Variants in PECR observed in about 807,000 individuals in gnomAD.
The protein encoded by PECR is 2,4-dienoyl-CoA reductase-related protein.
Under a neutral mutation model 35.3 loss-of-function variants are expected in PECR, and 30 were observed. That is an observed-to-expected ratio of 0.85 (90% CI 0.64 to 1.15). The LOEUF (loss-of-function observed/expected upper bound fraction) is 1.15, where lower values mean the gene tolerates loss of function less well. Ranked by LOEUF, PECR falls within the 50% of genes most tolerant of loss-of-function variation. The probability of loss-of-function intolerance (pLI) is 0.00; values close to 1 mark genes in which losing one functional copy is unlikely to be tolerated. For synonymous variants in PECR, 148 were observed against 138.9 expected (o/e 1.07, Z -0.46); for missense variants, 392 against 370.8 (o/e 1.06, Z -0.47).
At chr2:216,080,972 A>G (rs1386736488) in intron 1 of PECR, among the ~76,000 whole-genome samples, 3 of 152,230 alleles carry the variant, frequency 2.0e-5, no homozygotes, top group East Asian at 3.8e-4. Flanking sequence ...CGTAGGCAAC[A>G]GAGTGAGACC....
chr2:216,048,770 G>A (rs1405117904), intron 6 of PECR, among the ~76,000 whole-genome samples: 9 of 149,458 alleles, frequency 6.0e-5, no homozygotes, highest in African/African-American at 2.2e-4. Flanking sequence ...GCCAAGGTGG[G>A]AGTTCAAGCC....
intron 6 of PECR, among the ~76,000 whole-genome samples, chr2:216,047,231 C>A (rs1559209549): frequency 6.7e-6 from 1 of 149,216 alleles, no homozygotes; most frequent in African/African-American, 2.5e-5. Context: ...GCACTCCAGC[C>A]TGGGCAAGAA....
At chr2:216,066,847 C>T (rs1023709710) in intron 1 of PECR, among the ~76,000 whole-genome samples, 1 of 152,058 alleles carries the variant, frequency 6.6e-6, no homozygotes, top group African/African-American at 2.4e-5. Flanking sequence ...GTCACTGCAC[C>T]TGGCCATGCG....
intron 1 of PECR, among the ~76,000 whole-genome samples, chr2:216,073,933 G>A (rs1227620676): frequency 1.3e-5 from 2 of 152,174 alleles, no homozygotes; most frequent in African/African-American, 4.8e-5. Context: ...ACACATGACT[G>A]TATATACTTC....
chr2:216,048,289 A>G (rs1184090534), intron 6 of PECR, among the ~76,000 whole-genome samples: 1 of 149,822 alleles, frequency 6.7e-6, no homozygotes, highest in East Asian at 2.0e-4. Context: ...GTTAGCCAGG[A>G]TGGTCTCGAT....
Position 216,058,917 on chromosome 2 carries a change from T to C in PECR, c.484A>G (p.Lys162Glu), listed in dbSNP as rs1695280416. Residue 162 changes from lysine (K) to glutamate (E), a missense_variant, in exon 4 of 8, where the codon AAA becomes GAA. Coordinates refer to ENST00000265322, the MANE Select transcript of PECR (RefSeq NM_018441.6). ...GSIVNIIVPT[K>E]AGFPLAVHSG... is the part of the protein sequence containing the mutation. Reference sequence around the variant, plus strand: ...TACACAGCTAATGGAAATCCAGCTTTAGTAGGGACAATGATATTGACGATA... The same window carrying C: ...TACACAGCTAATGGAAATCCAGCTTCAGTAGGGACAATGATATTGACGATA... 1 of 1,605,918 alleles carries C rather than the reference T, an allele frequency of 6.2e-7. No homozygotes were observed. Among genetic ancestry groups the C allele is most frequent in the African/African-American group, 1.3e-5 (1 of 74,714 alleles).
chr2:216,058,324 G>A (rs1247834084), intron 4 of PECR, among the ~76,000 whole-genome samples: 1 of 152,074 alleles, frequency 6.6e-6, no homozygotes, highest in East Asian at 1.9e-4. Context: ...ATACATGTTT[G>A]GGAGTTCTGC....
chr2:216,067,299 G>C (rs769202439), intron 1 of PECR, among the ~76,000 whole-genome samples: 16 of 152,182 alleles, frequency 1.1e-4, no homozygotes, highest in Middle Eastern at 3.4e-3. Context: ...AATCAAAGAG[G>C]AAAGAACTAC....
intron 1 of PECR, among the ~76,000 whole-genome samples, chr2:216,079,898 T>C (rs1229436161): frequency 6.9e-6 from 1 of 144,824 alleles, no homozygotes; most frequent in Non-Finnish European, 1.5e-5. Context: ...GGAGAATCGC[T>C]TGAACCCAGG....
intron 1 of PECR, among the ~76,000 whole-genome samples, chr2:216,080,157 T>C (rs980965088): frequency 2.0e-5 from 3 of 151,834 alleles, no homozygotes; most frequent in African/African-American, 4.8e-5. Context: ...CGTCAGCTCA[T>C]TGCAACCTCT....
chr2:216,066,417 G>T lies in PECR; in HGVS notation c.226C>A (p.Pro76Thr), dbSNP rs1434098743. Reference sequence around the variant, plus strand: ...TCATTCCGGATGTTGCATTGTATGGGAATGACTCGTGCCTGCTTTGTGGGA... The same window carrying T: ...TCATTCCGGATGTTGCATTGTATGGTAATGACTCGTGCCTGCTTTGTGGGA... ...LPPTKQARVI[P>T]IQCNIRNEEE... The change falls in exon 2 of 8, where the codon CCC becomes ACC. Residue 76 changes from proline (P) to threonine (T), a missense_variant. Coordinates refer to ENST00000265322, the MANE Select transcript of PECR (RefSeq NM_018441.6). 6 of 1,613,278 alleles carry T rather than the reference G, an allele frequency of 3.7e-6. No individual in the cohort carries two copies. The highest frequency in any genetic ancestry group is 4.2e-6 in the Non-Finnish European group (5 of 1,179,194).
chr2:216,057,206 A>C lies in PECR; in HGVS notation c.506+1689T>G, dbSNP rs147808956. ...CCTCTTGCAATTTAGGCTACACACTATCTGATGTACAGAAAATGTTACTTA... is the reference window on the plus strand; with the variant it reads ...CCTCTTGCAATTTAGGCTACACACTCTCTGATGTACAGAAAATGTTACTTA... On this transcript the variant is annotated intron_variant, in intron 4 of 7. Transcript: ENST00000265322. 6.0e-3 allele frequency among the ~76,000 whole-genome samples: 910 copies of C among 152,282 alleles called. 16 individuals are homozygous for C. Among genetic ancestry groups the C allele is most frequent in the African/African-American group, 0.021 (865 of 41,514 alleles).
chr2:216,042,992 CATACGTATATGTGTATAT>C (rs1694917552), intron 7 of PECR, among the ~76,000 whole-genome samples: 1 of 116,002 alleles, frequency 8.6e-6, no homozygotes, highest in African/African-American at 3.4e-5. Flanking sequence ...TATATATATA[CATACGTATATGTGTATAT>C]ATATATACAC....
chr2:216,033,307 C>T (rs554098011), intron 7 of PECR, among the ~76,000 whole-genome samples: 3 of 152,182 alleles, frequency 2.0e-5, no homozygotes, highest in Non-Finnish European at 2.9e-5. Flanking sequence ...ATAACAACTG[C>T]CATGCCATTA....
chr2:216,051,579 C>T lies in PECR; in HGVS notation c.507-34G>A, dbSNP rs755097716. On this transcript the variant is annotated intron_variant, in intron 4 of 7. Transcript: ENST00000265322. ...GACAAAACATAAACATGACAATCAG[C>T]TTCTGTTGAATATTTCTCTTGTTCA... The T allele has an allele frequency of 6.3e-6, 8 of 1,264,814 alleles. No homozygotes were observed. The South Asian group carries it at 8.3e-5, about 13-fold the overall frequency. 78.3% of individuals were successfully genotyped at this position (1,264,814 alleles called of 1,614,324 possible). A position where few individuals can be genotyped will look rare whatever the true frequency, so the allele number is the denominator to read the frequency against.
At chr2:216,067,558 TTTTTC>T (rs1238618564) in intron 1 of PECR, among the ~76,000 whole-genome samples, 62 of 151,112 alleles carry the variant, frequency 4.1e-4, no homozygotes, top group African/African-American at 1.4e-3. Flanking sequence ...ATATTTTTTC[TTTTTC>T]TTTTTTTTTT....
chr2:216,045,894 C>T (rs543550771), intron 6 of PECR, among the ~76,000 whole-genome samples: 5 of 152,270 alleles, frequency 3.3e-5, no homozygotes, highest in Non-Finnish European at 5.9e-5. Flanking sequence ...ACACAAAAAA[C>T]CGGCCAGACG....
chr2:216,048,238 G>A (rs1017702447), intron 6 of PECR, among the ~76,000 whole-genome samples: 6 of 151,636 alleles, frequency 4.0e-5, no homozygotes, highest in Non-Finnish European at 8.8e-5. Flanking sequence ...CCACACCCGG[G>A]TAATTTTTTT....
At chr2:216,080,699 TCTTA>T (rs546153796) in intron 1 of PECR, among the ~76,000 whole-genome samples, 286 of 152,368 alleles carry the variant, frequency 1.9e-3, no homozygotes, top group Non-Finnish European at 3.5e-3. Flanking sequence ...AAAAGTTAAA[TCTTA>T]CTGTTTCATA....
Sources: allele counts gnomAD v4.1 joint callset (sites outside exome capture counted in the v4.1 genomes callset), GRCh38; gene constraint gnomAD v4.1.1; transcripts MANE v1.5; gene names NCBI Gene and HGNC (gene_info 2026-07-23, HGNC 2026-07-21).